The following HHIPL1 variants were observed in gnomAD, a reference collection of about 807,000 sequenced individuals.
HHIPL1 encodes HHIP like 1.
Under a neutral mutation model 61.8 loss-of-function variants are expected in HHIPL1, and 43 were observed. The observed-to-expected ratio is 0.70, with a 90% CI of 0.55 to 0.90. The LOEUF is 0.90. Among genes scored for constraint, HHIPL1 ranks in the 40% least tolerant of loss-of-function variants. HHIPL1 has a pLI of 0.00. For missense variants in HHIPL1, 1,056 were observed against 1,157.7 expected (o/e 0.91, Z 1.28); for synonymous variants, 482 against 515.8 (o/e 0.93, Z 0.89).
chr14:99,638,434 G>A, the HHIPL1 span, among the ~76,000 whole-genome samples: 1 of 152,224 alleles, frequency 6.6e-6, no homozygotes, highest in East Asian at 1.9e-4. Context: ...TGGTCTGCTG[G>A]AGCCGATGCG....
At chr14:99,649,533 A>G (rs993742377) in intron 1 of HHIPL1, among the ~76,000 whole-genome samples, 3 of 152,348 alleles carry the variant, frequency 2.0e-5, no homozygotes, top group Non-Finnish European at 2.9e-5. Flanking sequence ...GCTCATGCCT[A>G]TAATCCCAGA....
chr14:99,607,183 C>G, the HHIPL1 span, among the ~76,000 whole-genome samples: 2 of 152,020 alleles, frequency 1.3e-5, no homozygotes, highest in Admixed American at 6.5e-5. Context: ...CAGGCACCAC[C>G]ATGCCTGGCT....
chr14:99,631,100 CTTTCTT>C, the HHIPL1 span, among the ~76,000 whole-genome samples: 2,434 of 143,844 alleles, frequency 0.017, 43 homozygotes, highest in Middle Eastern at 0.045. Context: ...TTCTTTCTTT[CTTTCTT>C]TCTCTCTCTT....
At chr14:99,620,553 G>A in the HHIPL1 span, among the ~76,000 whole-genome samples, 21 of 152,232 alleles carry the variant, frequency 1.4e-4, no homozygotes, top group Admixed American at 6.5e-4. Context: ...CTTCCTCCCC[G>A]CAGGGGGGCT....
At position 99,676,033 on chromosome 14, in the gene HHIPL1, T is replaced by A. The variant is rs989546519; in HGVS notation, c.*407T>A. 1.1e-4 allele frequency: 21 copies of A among 188,978 alleles called. No homozygotes were observed. The highest frequency in any genetic ancestry group is 1.9e-3 in the Middle Eastern group (1 of 528). 11.7% of individuals were successfully genotyped at this position (188,978 alleles called of 1,614,324 possible). Reference sequence around the variant, plus strand: ...AGGGCGGTGGGGAGAACCAGGCTTGTCCTGCCCACAGCTGGAATGGAAGGT... The same window carrying A: ...AGGGCGGTGGGGAGAACCAGGCTTGACCTGCCCACAGCTGGAATGGAAGGT... On this transcript the variant is annotated 3_prime_UTR_variant, in exon 9 of 9. Coordinates refer to ENST00000330710, the MANE Select transcript of HHIPL1 (RefSeq NM_001127258.3).
the HHIPL1 span, among the ~76,000 whole-genome samples, chr14:99,635,845 T>C: frequency 1.3e-5 from 2 of 152,132 alleles, no homozygotes; most frequent in Non-Finnish European, 2.9e-5. Context: ...CTCTTTCAAA[T>C]TAATCACACA....
In HHIPL1 at chr14:99,662,990, G is replaced by A. The variant is rs34890784; in HGVS notation, c.1617G>A (p.Pro539=). ...CAGGCCTCATCAACAACTACTACCC[G>A]TACATCATCTCCTTCGGGGAGGACG... ...EFPGLINNYY[P]YIISFGEDEA... is the part of the protein sequence containing the mutation. Residue 539 remains proline, a synonymous_variant, in exon 6 of 9, where the codon CCG becomes CCA. Coordinates refer to ENST00000330710, the MANE Select transcript of HHIPL1 (RefSeq NM_001127258.3). 0.079 allele frequency: 127,067 copies of A among 1,612,532 alleles called. 5,664 individuals carry two copies. Among genetic ancestry groups the A allele is most frequent in the Middle Eastern group, 0.088 (531 of 6,056 alleles).
chr14:99,639,713 G>A, the HHIPL1 span, among the ~76,000 whole-genome samples: 16 of 151,984 alleles, frequency 1.1e-4, no homozygotes, highest in East Asian at 7.7e-4. Flanking sequence ...CCAGGCTGGA[G>A]TGCAGTGGTG....
the HHIPL1 span, among the ~76,000 whole-genome samples, chr14:99,637,242 A>AAGAT: frequency 1.4e-5 from 2 of 147,910 alleles, no homozygotes; most frequent in African/African-American, 5.1e-5. Context: ...GAAAGAAAGA[A>AAGAT]AGAAAGAAAG....
chr14:99,663,185 C>T (rs1375810923), intron 6 of HHIPL1, among the ~76,000 whole-genome samples, 164 bp downstream of exon 6: 2 of 152,078 alleles, frequency 1.3e-5, no homozygotes, highest in Admixed American at 6.5e-5. Context: ...GCCTCTGTTA[C>T]GGAAAGGGGT....
chr14:99,661,448 A>AGGAAGGAAGGAAGGAAGGAAGGAG (rs2056152697), intron 5 of HHIPL1, among the ~76,000 whole-genome samples: 1 of 151,820 alleles, frequency 6.6e-6, no homozygotes, highest in Non-Finnish European at 1.5e-5. Flanking sequence ...GAAGGAAGGA[A>AGGAAGGAAGGAAGGAAGGAAGGAG]GGAGTACATG....
chr14:99,611,595 T>TG, the HHIPL1 span, among the ~76,000 whole-genome samples: 2 of 145,022 alleles, frequency 1.4e-5, no homozygotes, highest in Non-Finnish European at 3.0e-5. Context: ...CTTTTTTTTT[T>TG]TTTTTTTTTT....
the HHIPL1 span, among the ~76,000 whole-genome samples, chr14:99,606,915 C>T: frequency 6.6e-6 from 1 of 152,128 alleles, no homozygotes; most frequent in East Asian, 1.9e-4. Flanking sequence ...GGCCAGAGCC[C>T]CCTCCCGGAG....
At position 99,675,057 on chromosome 14, in the gene HHIPL1, G is replaced by T. The variant is rs1224099445; in HGVS notation, c.1814-34G>T. On this transcript the variant is annotated intron_variant, in intron 8 of 8. Transcript: ENST00000330710. The surrounding 1 kb of genome is among the most constrained non-coding windows in gnomAD (Gnocchi z 5.4). ...CAGCAGGGCTGGACAGGGGCGCCTG[G>T]GTCCCTCTGACGGCATACTCTTCCT... 9.8e-6 allele frequency: 11 copies of T among 1,117,934 alleles called. No homozygotes were observed. In the Admixed American group the frequency reaches 1.6e-4, roughly 16 times the overall value. 69.3% of individuals were successfully genotyped at this position (1,117,934 alleles called of 1,614,324 possible). A position where few individuals can be genotyped will look rare whatever the true frequency, so the allele number is the denominator to read the frequency against.
chr14:99,619,930 C>G, the HHIPL1 span, among the ~76,000 whole-genome samples: 1 of 152,260 alleles, frequency 6.6e-6, no homozygotes, highest in African/African-American at 2.4e-5. Flanking sequence ...ATTTTCCCAC[C>G]CCCAATCCAC....
intron 2 of HHIPL1, among the ~76,000 whole-genome samples, chr14:99,655,157 T>C (rs115894781): frequency 6.6e-6 from 1 of 152,312 alleles, no homozygotes; most frequent in African/African-American, 2.4e-5. Flanking sequence ...ACCGAAAGTC[T>C]GAGCTGTTCT....
chr14:99,610,436 G>T, the HHIPL1 span, among the ~76,000 whole-genome samples: 2 of 152,104 alleles, frequency 1.3e-5, no homozygotes, highest in Admixed American at 1.3e-4. Context: ...TTATTCCTGT[G>T]CTTTCAGCTT....
rs200980161 is a variant in HHIPL1 at position 99,668,800 on chromosome 14, C to T, written c.1730+497C>T. 19 of 1,610,512 alleles carry T rather than the reference C, an allele frequency of 1.2e-5. No individual in the cohort carries two copies. In the Admixed American group the frequency reaches 1.5e-4, roughly 13 times the overall value. On this transcript the variant is annotated intron_variant, in intron 7 of 8. Coordinates refer to ENST00000330710, the MANE Select transcript of HHIPL1 (RefSeq NM_001127258.3). The surrounding 1 kb of genome is among the most constrained non-coding windows in gnomAD (Gnocchi z 4.7). ...GGGGAAAACACATTGGGGCTCCCTT[C>T]GCCGGCTCCATCTCCCCGGCTTCCC...
chr14:99,657,116 T>G lies in HHIPL1; in HGVS notation c.1019T>G (p.Phe340Cys). The G allele has an allele frequency of 1.2e-6, 2 of 1,613,334 alleles. No homozygotes were observed. Among genetic ancestry groups the G allele is most frequent in the Non-Finnish European group, 1.7e-6 (2 of 1,179,782 alleles). ...TGDGGMAGDP[F>C]GTFGNAQNKS... Reference sequence around the variant, plus strand: ...GATGGCGGGATGGCCGGAGACCCCTTTGGGACATTTGGAAATGCCCAAAAC... The same window carrying G: ...GATGGCGGGATGGCCGGAGACCCCTGTGGGACATTTGGAAATGCCCAAAAC... The change falls in exon 3 of 9, where the codon TTT (phenylalanine) becomes TGT (cysteine). Residue 340 changes from phenylalanine to cysteine, a missense_variant. Coordinates refer to ENST00000330710, the MANE Select transcript of HHIPL1 (RefSeq NM_001127258.3).
Sources: gnomAD v4.1 joint callset for allele counts (sites outside exome capture counted in the v4.1 genomes callset) on GRCh38, gnomAD v4.1.1 for gene constraint, Gnocchi (gnomAD v3.1) non-coding constraint, MANE v1.5 for transcripts, NCBI Gene and HGNC (gene_info 2026-07-23, HGNC 2026-07-21) for gene names.